The following ZFPM1 variants were observed in gnomAD, a reference collection of about 807,000 sequenced individuals.
ZFPM1 encodes the protein zinc finger protein ZFPM1.
Under a neutral mutation model 46.3 loss-of-function variants are expected in ZFPM1, and 28 were observed. That is an observed-to-expected ratio of 0.60 (90% CI 0.45 to 0.83). ZFPM1 has a LOEUF of 0.83. Among genes scored for constraint, ZFPM1 ranks in the 40% least tolerant of loss-of-function variants. The probability of loss-of-function intolerance (pLI) is 0.00; values close to 1 mark genes in which losing one functional copy is unlikely to be tolerated. For synonymous variants in ZFPM1, 957 were observed against 675.9 expected, an observed-to-expected ratio of 1.42 and a Z score of -6.45; for missense variants, 1,878 against 1,432.4, an observed-to-expected ratio of 1.31 and a Z score of -5.02.
intron 4 of ZFPM1, among the ~76,000 whole-genome samples, chr16:88,521,466 C>G (rs1567550613): frequency 6.6e-6 from 1 of 151,812 alleles, no homozygotes; most frequent in Non-Finnish European, 1.5e-5. Flanking sequence ...CATCGTGGGT[C>G]AGGGACCCCC....
rs1567525559 is a variant in ZFPM1 at position 88,461,026 on chromosome 16, GCCTGGTGAGGACCGAGGGGCGGGAGGC to G, written c.40+7362_40+7388del. Among the ~76,000 whole-genome samples the G allele has an allele frequency of 2.4e-4, 30 of 122,608 alleles. 1 individual carries two copies. The highest frequency in any genetic ancestry group is 5.8e-4 in the African/African-American group (13 of 22,578). The allele number at this position is 122,608 out of a possible 152,430, so 80.4% of individuals were successfully genotyped here. ...TGAGGACCGAGGGGTGGGGCGGGAG[GCCTGGTGAGGACCGAGGGGCGGGAGGC>G]CCTGGTGAGGACCCAGGGGCAGAAG... is the stretch of plus-strand genomic sequence containing the variant. On this transcript the variant is annotated intron_variant, in intron 1 of 9. Coordinates refer to ENST00000319555, the MANE Select transcript of ZFPM1 (RefSeq NM_153813.3).
intron 4 of ZFPM1, among the ~76,000 whole-genome samples, chr16:88,520,098 T>C (rs1295494040): frequency 6.7e-6 from 1 of 148,668 alleles, no homozygotes; most frequent in African/African-American, 2.5e-5. Context: ...GGTGGATAGA[T>C]GGATGGATGA....
At chr16:88,525,051 C>A (rs1323740272) in intron 4 of ZFPM1, among the ~76,000 whole-genome samples, 1 of 152,258 alleles carries the variant, frequency 6.6e-6, no homozygotes, top group Non-Finnish European at 1.5e-5. Context: ...CCCGCCTGAA[C>A]CTTGCCTGAG....
At chr16:88,516,091 G>A (rs1911278593) in intron 4 of ZFPM1, 2 of 398,352 alleles carry the variant, frequency 5.0e-6, no homozygotes, top group Admixed American at 8.8e-5. Context: ...TACGAGGAGG[G>A]TCCTGCCACT....
chr16:88,455,155 G>GTT (rs1907485199), intron 1 of ZFPM1, among the ~76,000 whole-genome samples: 1 of 151,940 alleles, frequency 6.6e-6, no homozygotes, highest in African/African-American at 2.4e-5. Context: ...GTGTGTGTGT[G>GTT]TGTGTGTGTG....
At chr16:88,529,734 A>C (rs1912633703) in intron 6 of ZFPM1, among the ~76,000 whole-genome samples, 1 of 152,164 alleles carries the variant, frequency 6.6e-6, no homozygotes, top group Non-Finnish European at 1.5e-5. Context: ...CAGCAGAGAA[A>C]TGACTACTGG....
Position 88,471,025 on chromosome 16 carries a change from G to A in ZFPM1, c.41-14914G>A, listed in dbSNP as rs575355380. On this transcript the variant is annotated intron_variant, in intron 1 of 9. Coordinates refer to ENST00000319555, the MANE Select transcript of ZFPM1 (RefSeq NM_153813.3). This position sits in a 1 kb window ranked among gnomAD's most constrained non-coding sequence, Gnocchi z 4.1. The stretch of plus-strand genomic sequence containing the variant: ...CCTCACCCGGTGGGGTCCAGCCTCC[G>A]CGACAGGCATTCCCTTCCCCGTGTG... 6.6e-5 allele frequency among the ~76,000 whole-genome samples: 10 copies of A among 152,240 alleles called. No individual in the cohort carries two copies. Among genetic ancestry groups the A allele is most frequent in the South Asian group, 2.1e-4 (1 of 4,814 alleles).
Position 88,497,672 on chromosome 16 carries a change from C to G in ZFPM1, c.268+8519C>G, listed in dbSNP as rs1303527353. 6.6e-6 allele frequency among the ~76,000 whole-genome samples: 1 copy of G among 152,106 alleles called. No individual in the cohort carries two copies. Among genetic ancestry groups the G allele is most frequent in the Admixed American group, 6.5e-5 (1 of 15,278 alleles). On this transcript the variant is annotated intron_variant, in intron 3 of 9. Coordinates refer to ENST00000319555, the MANE Select transcript of ZFPM1 (RefSeq NM_153813.3). The surrounding 1 kb of genome is among the most constrained non-coding windows in gnomAD (Gnocchi z 5.4). ...TGCCGTGAGCGATCCGGTCCAGCAT[C>G]CCGGCGCTGGGAGCCGGCAGCTGCT... is the stretch of plus-strand genomic sequence containing the variant.
chr16:88,519,086 ATGGCTGAGAGTGTGGG>A (rs1911591599), intron 4 of ZFPM1, among the ~76,000 whole-genome samples: 1 of 90,282 alleles, frequency 1.1e-5, no homozygotes, highest in South Asian at 3.9e-4. Flanking sequence ...GGATGGATGG[ATGGCTGAGAGTGTGGG>A]TGGATGGGTG....
rs1415178612 is a variant in ZFPM1, at chr16:88,535,803, C to T, written c.*824C>T. On this transcript the variant is annotated 3_prime_UTR_variant, in exon 10 of 10. Coordinates refer to ENST00000319555, the MANE Select transcript of ZFPM1 (RefSeq NM_153813.3). ...AGGGCACCCCCACCCCCCGTCTTCC[C>T]TGCCCTGCTGGGCTGTATGGGCCGG... 1.3e-5 allele frequency: 2 copies of T among 152,718 alleles called. No individual in the cohort carries two copies. The highest frequency in any genetic ancestry group is 2.9e-5 in the Non-Finnish European group (2 of 68,466). 9.5% of individuals were successfully genotyped at this position (152,718 alleles called of 1,614,324 possible). A position where few individuals can be genotyped will look rare whatever the true frequency, so the allele number is the denominator to read the frequency against.
At chr16:88,511,827 T>C (rs1427829877) in intron 3 of ZFPM1, among the ~76,000 whole-genome samples, 2 of 152,200 alleles carry the variant, frequency 1.3e-5, no homozygotes, top group Non-Finnish European at 2.9e-5. Flanking sequence ...TCCAGGCACC[T>C]GCATCCACCC....
At chr16:88,496,620 C>T (rs1201259948) in intron 3 of ZFPM1, among the ~76,000 whole-genome samples, 4 of 151,854 alleles carry the variant, frequency 2.6e-5, no homozygotes, top group Non-Finnish European at 5.9e-5. Flanking sequence ...AACAAAAGTC[C>T]CCACCTGCCC....
intron 3 of ZFPM1, among the ~76,000 whole-genome samples, chr16:88,494,292 G>A (rs1332048633): frequency 2.6e-5 from 4 of 152,112 alleles, no homozygotes; most frequent in Non-Finnish European, 4.4e-5. Flanking sequence ...GCGCTCCCCC[G>A]TCGGTGGCAG....
intron 2 of ZFPM1, among the ~76,000 whole-genome samples, chr16:88,487,970 G>C (rs1369158045): frequency 6.6e-6 from 1 of 152,260 alleles, no homozygotes; most frequent in African/African-American, 2.4e-5. Flanking sequence ...GGCACACGCT[G>C]CTCGTGGTAC....
chr16:88,486,133 G>A (rs960540577), intron 2 of ZFPM1, 90 bp downstream of exon 2: 1 of 1,338,640 alleles, frequency 7.5e-7, no homozygotes, highest in Non-Finnish European at 1.0e-6. Context: ...TGGTGTCTGA[G>A]AGGTGTGGGC....
intron 4 of ZFPM1, among the ~76,000 whole-genome samples, chr16:88,525,362 C>A (rs1912232777): frequency 6.6e-6 from 1 of 152,244 alleles, no homozygotes; most frequent in African/African-American, 2.4e-5. Context: ...CCCCTTGTAC[C>A]ATGGCAGGGT....
chr16:88,468,135 A>G (rs1329081390), intron 1 of ZFPM1, among the ~76,000 whole-genome samples: 1 of 119,952 alleles, frequency 8.3e-6, no homozygotes, highest in East Asian at 2.8e-4. Flanking sequence ...CGCACCCGCG[A>G]GCCCACTGCC....
chr16:88,501,298 A>T (rs1471678066), intron 3 of ZFPM1, among the ~76,000 whole-genome samples: 9 of 120,490 alleles, frequency 7.5e-5, no homozygotes, highest in Non-Finnish European at 8.6e-5. Flanking sequence ...GCCCTCCCGC[A>T]GGTGCTGGTG....
chr16:88,526,799 AC>A lies in ZFPM1; in HGVS notation c.403-12del, dbSNP rs772702995. On this transcript the variant is annotated splice_polypyrimidine_tract_variant and intron_variant, in intron 4 of 9. Coordinates refer to ENST00000319555, the MANE Select transcript of ZFPM1 (RefSeq NM_153813.3). ...GACGGACCCCTCCCCACGTGTTCCT[AC>A]CCTCCCCCCCCAGAGCCCAGCCCTG... is the stretch of plus-strand genomic sequence containing the variant. 1.3e-4 allele frequency: 154 copies of A among 1,196,706 alleles called. 4 individuals are homozygous for A. Among genetic ancestry groups the A allele is most frequent in the East Asian group, 6.5e-4 (20 of 30,940 alleles). The allele number at this position is 1,196,706 out of a possible 1,614,324, so 74.1% of individuals were successfully genotyped here.
Sources: allele counts gnomAD v4.1 joint callset (sites outside exome capture counted in the v4.1 genomes callset), GRCh38; gene constraint gnomAD v4.1.1; non-coding constraint Gnocchi (gnomAD v3.1); transcripts MANE v1.5; gene names NCBI Gene and HGNC (gene_info 2026-07-23, HGNC 2026-07-21).